The following GABRG3 variants were observed in gnomAD, a reference collection of about 807,000 sequenced individuals.
GABRG3 encodes gamma-aminobutyric acid receptor subunit gamma-3.
A neutral mutation model predicts 48.8 loss-of-function variants in GABRG3; 25 were observed. The ratio of observed to expected loss-of-function variants is 0.51; its 90% CI spans 0.37 to 0.72. The LOEUF (loss-of-function observed/expected upper bound fraction) is 0.72, where lower values mean the gene tolerates loss of function less well. Ranked by LOEUF, GABRG3 falls within the 30% of genes least tolerant of loss-of-function variation. The pLI is 0.00. For synonymous variants in GABRG3, 227 were observed against 217.6 expected (o/e 1.04, Z -0.38); for missense variants, 394 against 577.9 (o/e 0.68, Z 3.26).
chr15:27,127,476 G>A (rs1402816088), intron 3 of GABRG3, among the ~76,000 whole-genome samples: 1 of 152,006 alleles, frequency 6.6e-6, no homozygotes, highest in Non-Finnish European at 1.5e-5. Flanking sequence ...AATGTGGACA[G>A]GGTTCCACTT....
At chr15:27,348,561 G>A (rs148469747) in intron 5 of GABRG3, among the ~76,000 whole-genome samples, 29,304 of 152,100 alleles carry the variant, frequency 0.19, 3,154 homozygotes, top group Middle Eastern at 0.3. Context: ...GTCATAGGGT[G>A]TAGTCAAGGT....
At chr15:27,385,074 T>C (rs1566816090) in intron 5 of GABRG3, among the ~76,000 whole-genome samples, 1 of 152,212 alleles carries the variant, frequency 6.6e-6, no homozygotes, top group Non-Finnish European at 1.5e-5. Flanking sequence ...GCAGGTCTTT[T>C]CATTCTGATG....
At chr15:27,102,449 TAAC>T (rs1032674083) in intron 3 of GABRG3, among the ~76,000 whole-genome samples, 2 of 152,160 alleles carry the variant, frequency 1.3e-5, no homozygotes, top group Non-Finnish European at 2.9e-5. Context: ...ATAATAACAA[TAAC>T]AACAACAGAT....
rs1420613362 is a variant in GABRG3, at chr15:27,179,121, TAAAC to T, written c.271-147684_271-147681del. ...AGTTTTCTATCCCCAATAAAACAAA[TAAAC>T]AAAGAAAACTCATGGAAGCTTACAA... On this transcript the variant is annotated intron_variant, in intron 3 of 9. Coordinates refer to ENST00000615808, the MANE Select transcript of GABRG3 (RefSeq NM_033223.5). This position sits in a 1 kb window ranked among gnomAD's most constrained non-coding sequence, Gnocchi z 4.0. Among the ~76,000 whole-genome samples the T allele has an allele frequency of 6.6e-6, 1 of 152,124 alleles. No homozygotes were observed. The highest frequency in any genetic ancestry group is 1.5e-5 in the Non-Finnish European group (1 of 68,000).
At chr15:27,093,382 C>T (rs915422450) in intron 3 of GABRG3, among the ~76,000 whole-genome samples, 2 of 152,046 alleles carry the variant, frequency 1.3e-5, no homozygotes, top group African/African-American at 4.8e-5. Context: ...CTGAGAAGAG[C>T]GTATGAAGCA....
At chr15:26,991,331 T>C (rs1398760628) in intron 2 of GABRG3, among the ~76,000 whole-genome samples, 1 of 152,212 alleles carries the variant, frequency 6.6e-6, no homozygotes, top group East Asian at 1.9e-4. Flanking sequence ...AGCCTTGTAA[T>C]GTAATTTGAA....
chr15:27,170,076 T>C (rs1887513991), intron 3 of GABRG3, among the ~76,000 whole-genome samples: 1 of 152,232 alleles, frequency 6.6e-6, no homozygotes, highest in African/African-American at 2.4e-5. Context: ...ACAGTCAAAC[T>C]TCTTCAGATT....
chr15:27,261,535 T>C lies in GABRG3; in HGVS notation c.271-65274T>C, dbSNP rs1335366251. 2.7e-5 allele frequency among the ~76,000 whole-genome samples: 4 copies of C among 149,396 alleles called. No individual in the cohort carries two copies. In the Admixed American group the frequency reaches 2.7e-4, roughly 10 times the overall value. On this transcript the variant is annotated intron_variant, in intron 3 of 9. Transcript: ENST00000615808. Reference sequence around the variant, plus strand: ...TACAGTATTCATATATATACATATATATATGTATATATATATTTTTAATAT... The same window carrying C: ...TACAGTATTCATATATATACATATACATATGTATATATATATTTTTAATAT...
chr15:27,239,601 A>G (rs182892860), intron 3 of GABRG3, among the ~76,000 whole-genome samples: 9 of 152,308 alleles, frequency 5.9e-5, no homozygotes, highest in Admixed American at 1.3e-4. Context: ...AATTTAGAGC[A>G]TTGGTTTAAA....
chr15:27,121,804 T>C (rs929200528), intron 3 of GABRG3, among the ~76,000 whole-genome samples: 7 of 152,202 alleles, frequency 4.6e-5, no homozygotes, highest in African/African-American at 1.7e-4. Flanking sequence ...TTCTGTTTTT[T>C]TGCAACAACA....
intron 3 of GABRG3, among the ~76,000 whole-genome samples, chr15:27,286,083 C>T (rs989554989): frequency 1.3e-5 from 2 of 152,158 alleles, no homozygotes; most frequent in Admixed American, 1.3e-4. Context: ...TAATCTTATA[C>T]TTTATACACC....
At chr15:27,170,312 T>C (rs1887522206) in intron 3 of GABRG3, among the ~76,000 whole-genome samples, 1 of 152,154 alleles carries the variant, frequency 6.6e-6, no homozygotes, top group Admixed American at 6.5e-5. Flanking sequence ...CTGTTGTAAA[T>C]CACATAGACC....
At chr15:27,522,803 T>C (rs1218627711) in intron 7 of GABRG3, among the ~76,000 whole-genome samples, 1 of 151,848 alleles carries the variant, frequency 6.6e-6, no homozygotes, top group Non-Finnish European at 1.5e-5. Flanking sequence ...AGCTTCATAT[T>C]AAAAGCAACA....
chr15:27,427,018 G>A (rs1888312690), intron 5 of GABRG3, among the ~76,000 whole-genome samples: 1 of 152,110 alleles, frequency 6.6e-6, no homozygotes, highest in African/African-American at 2.4e-5. Context: ...AACATCTGAT[G>A]TTTGGGCTCC....
intron 3 of GABRG3, chr15:27,161,051 G>A (rs1057028631): frequency 6.6e-6 from 1 of 152,002 alleles, no homozygotes; most frequent in Admixed American, 6.6e-5. Context: ...CTGAATCCAG[G>A]GTTTCTCTGA....
rs529957043 is a variant in GABRG3, at chr15:26,979,653, G to A, written c.202+2503G>A. ...ATTTTATGATTTTTTTCTTTAGTCTGTCAATATGGTGGATTATATTAATTG... is the reference window on the plus strand; with the variant it reads ...ATTTTATGATTTTTTTCTTTAGTCTATCAATATGGTGGATTATATTAATTG... On this transcript the variant is annotated intron_variant, in intron 2 of 9. Coordinates refer to ENST00000615808, the MANE Select transcript of GABRG3 (RefSeq NM_033223.5). Among the ~76,000 whole-genome samples, 74 of 152,172 alleles carry A rather than the reference G, an allele frequency of 4.9e-4. 1 individual carries two copies. In the South Asian group the frequency reaches 0.015, roughly 32 times the overall value.
intron 5 of GABRG3, among the ~76,000 whole-genome samples, chr15:27,438,250 C>G (rs1383153012): frequency 6.6e-6 from 1 of 152,144 alleles, no homozygotes; most frequent in Non-Finnish European, 1.5e-5. Flanking sequence ...GAATTTTTTA[C>G]TTCTAATAAA....
At chr15:27,274,074 T>C (rs1360769079) in intron 3 of GABRG3, among the ~76,000 whole-genome samples, 1 of 152,094 alleles carries the variant, frequency 6.6e-6, no homozygotes, top group African/African-American at 2.4e-5. Flanking sequence ...CTGAGCTTCC[T>C]GACAACATGG....
At position 27,118,859 on chromosome 15, in the gene GABRG3, T is replaced by C. The variant is rs866867401; in HGVS notation, c.270+92038T>C. ...TTTTGGCAAATACTGATGTCAGGTT[T>C]GATGGAATACACCAAATGTTGCAAC... On this transcript the variant is annotated intron_variant, in intron 3 of 9. Coordinates refer to ENST00000615808, the MANE Select transcript of GABRG3 (RefSeq NM_033223.5). Among the ~76,000 whole-genome samples the C allele has an allele frequency of 3.9e-5, 6 of 152,202 alleles. No individual in the cohort carries two copies. The South Asian group carries it at 6.2e-4, about 16-fold the overall frequency.
Sources: gnomAD v4.1 joint callset for allele counts (sites outside exome capture counted in the v4.1 genomes callset) on GRCh38, gnomAD v4.1.1 for gene constraint, Gnocchi (gnomAD v3.1) non-coding constraint, MANE v1.5 for transcripts, NCBI Gene and HGNC (gene_info 2026-07-23, HGNC 2026-07-21) for gene names.